Variants in WDFY3 observed in about 807,000 individuals in gnomAD.
WDFY3 encodes WD repeat and FYVE domain containing 3, also known as WD repeat and FYVE domain-containing protein 3.
WDFY3 carries 66 observed loss-of-function variants against 409.6 expected under a neutral mutation model. The observed-to-expected ratio is 0.16, with a 90% CI of 0.13 to 0.20. The LOEUF is 0.20. Among genes scored for constraint, WDFY3 ranks in the 10% least tolerant of loss-of-function variants. The pLI is 1.00. For synonymous variants in WDFY3, 1,521 were observed against 1,537.1 expected, an observed-to-expected ratio of 0.99 and a Z score of 0.25; for missense variants, 3,031 against 4,298.1, an observed-to-expected ratio of 0.71 and a Z score of 8.24.
chr4:84,707,841 A>C (rs1404088203), intron 53 of WDFY3, among the ~76,000 whole-genome samples: 1 of 152,214 alleles, frequency 6.6e-6, no homozygotes, highest in Non-Finnish European at 1.5e-5. Context: ...AGATTCACAC[A>C]TCAAATGAAC....
At chr4:84,899,067 T>C (rs1310911377) in intron 2 of WDFY3, among the ~76,000 whole-genome samples, 1 of 152,206 alleles carries the variant, frequency 6.6e-6, no homozygotes, top group East Asian at 1.9e-4. Flanking sequence ...ATACCCAATT[T>C]CTAGGATACG....
chr4:84,856,085 A>G (rs992695524), intron 4 of WDFY3, among the ~76,000 whole-genome samples: 3 of 152,208 alleles, frequency 2.0e-5, no homozygotes, highest in Non-Finnish European at 4.4e-5. Flanking sequence ...GTATTATGTA[A>G]TAAGTAATAA....
chr4:84,956,947 T>C (rs577108897), intron 1 of WDFY3, among the ~76,000 whole-genome samples: 1 of 146,928 alleles, frequency 6.8e-6, no homozygotes, highest in East Asian at 2.0e-4. Flanking sequence ...AATATACTAA[T>C]ACATGAATAG....
chr4:84,956,188 G>A (rs1774219106), intron 1 of WDFY3, among the ~76,000 whole-genome samples: 1 of 152,162 alleles, frequency 6.6e-6, no homozygotes, highest in Non-Finnish European at 1.5e-5. Context: ...GTATTAATTG[G>A]CTGAGCAGCT....
intron 2 of WDFY3, among the ~76,000 whole-genome samples, chr4:84,918,274 A>G (rs900534189): frequency 1.3e-5 from 2 of 152,186 alleles, no homozygotes; most frequent in African/African-American, 4.8e-5. Flanking sequence ...CTGTATAACT[A>G]TAAAATGCTA....
intron 3 of WDFY3, among the ~76,000 whole-genome samples, chr4:84,871,993 T>C (rs1052828020): frequency 2.0e-5 from 3 of 152,158 alleles, no homozygotes; most frequent in African/African-American, 7.2e-5. Flanking sequence ...CAGTAATGTG[T>C]TGGATGATTA....
intron 3 of WDFY3, among the ~76,000 whole-genome samples, chr4:84,880,968 C>T (rs573338698): frequency 2.6e-5 from 4 of 151,602 alleles, no homozygotes; most frequent in Middle Eastern, 3.4e-3. Flanking sequence ...AGTGATCCGC[C>T]CTCCTCGGCC....
At position 84,733,262 on chromosome 4, in the gene WDFY3, CG is replaced by C. The variant is rs953275238; in HGVS notation, c.7221+119del. The C allele has an allele frequency of 8.3e-6, 9 of 1,081,654 alleles. No individual in the cohort carries two copies. In the African/African-American group the frequency reaches 1.4e-4, roughly 17 times the overall value. 67.0% of individuals were successfully genotyped at this position (1,081,654 alleles called of 1,614,324 possible). A position where few individuals can be genotyped will look rare whatever the true frequency, so the allele number is the denominator to read the frequency against. On this transcript the variant is annotated intron_variant, in intron 44 of 67. Coordinates refer to ENST00000295888, the MANE Select transcript of WDFY3 (RefSeq NM_014991.6). ...CACTCTGAAGTTATCAATTTAATAGCGTATGTTGAATTTTTAAAATTAGCTA... is the reference window on the plus strand; with the variant it reads ...CACTCTGAAGTTATCAATTTAATAGCTATGTTGAATTTTTAAAATTAGCTA...
At chr4:84,744,409 A>G (rs964468603) in intron 36 of WDFY3, among the ~76,000 whole-genome samples, 10 of 152,048 alleles carry the variant, frequency 6.6e-5, no homozygotes, top group Non-Finnish European at 8.8e-5. Context: ...AGATGTCAAG[A>G]AAAAAATGGT....
intron 30 of WDFY3, among the ~76,000 whole-genome samples, chr4:84,771,576 GTAGTTAAAAGCT>G (rs1299458143): frequency 9.2e-5 from 14 of 152,284 alleles, no homozygotes; most frequent in African/African-American, 3.4e-4. Context: ...GGAAAATGTA[GTAGTTAAAAGCT>G]TAGAATGCTT....
Position 84,897,630 on chromosome 4 carries a change from C to T in WDFY3, c.-131-620G>A, listed in dbSNP as rs930913004. Among the ~76,000 whole-genome samples the T allele has an allele frequency of 2.0e-5, 3 of 152,086 alleles. No homozygotes were observed. In the East Asian group the frequency reaches 5.8e-4, roughly 29 times the overall value. ...TCCTCCTGACCTCAGGTGATCTGCC[C>T]GCCTCGGTCTCCCAAAGGGGAAATG... On this transcript the variant is annotated intron_variant, in intron 2 of 67. Transcript: ENST00000295888.
In WDFY3 at chr4:84,825,137, T is replaced by C. The variant is rs145139787; in HGVS notation, c.1123+1678A>G. ...AATGAGACAAAACCAGGCAATGATA[T>C]ATGCACAAGATTAATTTTGCTGCAT... On this transcript the variant is annotated intron_variant, in intron 10 of 67. Transcript: ENST00000295888. 5.5e-3 allele frequency among the ~76,000 whole-genome samples: 840 copies of C among 152,286 alleles called. 2 individuals carry two copies. The highest frequency in any genetic ancestry group is 0.041 in the Middle Eastern group (12 of 294).
intron 3 of WDFY3, among the ~76,000 whole-genome samples, chr4:84,876,307 C>T (rs2150357192): frequency 6.6e-6 from 1 of 152,256 alleles, no homozygotes; most frequent in South Asian, 2.1e-4. Context: ...ACAGAATATT[C>T]ATCATTAAGA....
At chr4:84,784,891 T>TATATATATATATATATATAC (rs1238884117) in intron 24 of WDFY3, among the ~76,000 whole-genome samples, 1 of 36,916 alleles carries the variant, frequency 2.7e-5, no homozygotes, top group Non-Finnish European at 6.6e-5. Context: ...TATATATATA[T>TATATATATATATATATATAC]ACACACACAC....
chr4:84,704,474 A>T, intron 54 of WDFY3, 30 bp from the exon 55 acceptor site: 4 of 1,498,366 alleles, frequency 2.7e-6, no homozygotes, highest in Non-Finnish European at 3.7e-6. Flanking sequence ...CACAATTGAA[A>T]CCAAAAGAAG....
rs1488009957 is a variant in WDFY3 at position 84,702,366 on chromosome 4, G to A, written c.8583C>T (p.Asn2861=). Residue 2861 remains asparagine (N), a synonymous_variant, in exon 56 of 68, where the codon AAC becomes AAT. Transcript: ENST00000295888. ...AGCTCTACGTACCTAGATCAAAGTT[G>A]TTGGAATTGAACAGGAATTCTGGTA... is the stretch of plus-strand genomic sequence containing the variant. The part of the protein sequence containing the change: ...FYLPEFLFNS[N]NFDLGCKQNG... The A allele has an allele frequency of 1.9e-6, 3 of 1,609,218 alleles. No individual in the cohort carries two copies. The highest frequency in any genetic ancestry group is 1.7e-5 in the Admixed American group (1 of 59,008).
intron 8 of WDFY3, 130 bp from the exon 9 acceptor site, chr4:84,829,320 AAC>A: frequency 1.3e-6 from 1 of 750,280 alleles, no homozygotes; most frequent in Non-Finnish European, 2.0e-6. Flanking sequence ...AGATAAATGT[AAC>A]ACATTCTAAA....
intron 38 of WDFY3, among the ~76,000 whole-genome samples, chr4:84,741,451 AT>A (rs1417756111): frequency 6.6e-6 from 1 of 151,964 alleles, no homozygotes; most frequent in Non-Finnish European, 1.5e-5. Flanking sequence ...AGTAGCTGGA[AT>A]TACAGGCGCG....
intron 9 of WDFY3, 85 bp from the exon 10 acceptor site, chr4:84,827,066 G>A (rs1241896016): frequency 7.0e-7 from 1 of 1,420,702 alleles, no homozygotes; most frequent in African/African-American, 1.5e-5. Context: ...AATTTTATAT[G>A]CAGTAAATAA....
Sources: gnomAD v4.1 joint callset for allele counts (sites outside exome capture counted in the v4.1 genomes callset) on GRCh38, gnomAD v4.1.1 for gene constraint, MANE v1.5 for transcripts, NCBI Gene and HGNC (gene_info 2026-07-23, HGNC 2026-07-21) for gene names.